The following CHCHD3 variants were observed in gnomAD, a reference collection of about 807,000 sequenced individuals.
The protein encoded by CHCHD3 is MICOS complex subunit MIC19.
In CHCHD3, 20 loss-of-function variants were observed where a neutral mutation model predicts 38.2. The observed-to-expected ratio is 0.52, with a 90% confidence interval of 0.37 to 0.76. The LOEUF is 0.76. Among genes scored for constraint, CHCHD3 ranks in the 30% least tolerant of loss-of-function variants. The pLI, the probability that CHCHD3 is intolerant of heterozygous loss-of-function variation, is 0.00. For missense variants in CHCHD3, 245 were observed against 279.2 expected, an observed-to-expected ratio of 0.88 and a Z score of 0.87; for synonymous variants, 82 against 100.0, an observed-to-expected ratio of 0.82 and a Z score of 1.07.
At chr7:132,945,580 G>A (rs1810878310) in intron 4 of CHCHD3, among the ~76,000 whole-genome samples, 2 of 151,902 alleles carry the variant, frequency 1.3e-5, no homozygotes, top group South Asian at 4.1e-4. Context: ...ACCAAAAGAG[G>A]GGTCTGAAGA....
At chr7:133,043,370 G>A (rs577719794) in intron 2 of CHCHD3, among the ~76,000 whole-genome samples, 37 of 152,086 alleles carry the variant, frequency 2.4e-4, no homozygotes, top group Non-Finnish European at 4.4e-4. Context: ...GACTGGACAC[G>A]GTGGCTCACA....
chr7:132,985,052 C>T (rs1169228503), intron 3 of CHCHD3, among the ~76,000 whole-genome samples: 2 of 98,208 alleles, frequency 2.0e-5, no homozygotes, highest in African/African-American at 3.8e-5. Context: ...CCCGGCCAGC[C>T]GCCCCGTCCG....
At chr7:132,945,814 A>G (rs1562916917) in intron 4 of CHCHD3, among the ~76,000 whole-genome samples, 1 of 151,966 alleles carries the variant, frequency 6.6e-6, no homozygotes, top group Non-Finnish European at 1.5e-5. Flanking sequence ...AAATTTGAAA[A>G]GAAAATGGTA....
chr7:133,010,585 TC>T (rs1162747207), intron 3 of CHCHD3, among the ~76,000 whole-genome samples: 1 of 152,160 alleles, frequency 6.6e-6, no homozygotes, highest in African/African-American at 2.4e-5. Flanking sequence ...TCATAGACTT[TC>T]TTTTATTTTG....
rs181125863 is a variant in CHCHD3, at chr7:132,980,847, C to T, written c.252-5561G>A. On this transcript the variant is annotated intron_variant, in intron 3 of 7. Coordinates refer to ENST00000262570, the MANE Select transcript of CHCHD3 (RefSeq NM_017812.4). ...CTATATTTTAGTCCCAGGGTAAAAA[C>T]TAGCCAGTTTGACTTTACTCTAAAG... Among the ~76,000 whole-genome samples the T allele has an allele frequency of 3.3e-3, 495 of 152,224 alleles. 3 individuals carry two copies. In the South Asian group the frequency reaches 0.038, roughly 12 times the overall value.
chr7:132,953,848 C>G (rs1212960234), intron 4 of CHCHD3, among the ~76,000 whole-genome samples: 2 of 152,136 alleles, frequency 1.3e-5, no homozygotes, highest in African/African-American at 4.8e-5. Context: ...CCTGGAGCAT[C>G]CCAGTTTATG....
chr7:132,869,928 C>G (rs938746380), intron 5 of CHCHD3, among the ~76,000 whole-genome samples: 7 of 151,938 alleles, frequency 4.6e-5, no homozygotes, highest in African/African-American at 1.7e-4. Flanking sequence ...TGAAAGAGTT[C>G]TGAAAAACCT....
chr7:132,971,579 G>C (rs1811613136), intron 4 of CHCHD3, among the ~76,000 whole-genome samples: 1 of 152,192 alleles, frequency 6.6e-6, no homozygotes, highest in Non-Finnish European at 1.5e-5. Context: ...TCACATCTAA[G>C]GAGACAGAAA....
intron 5 of CHCHD3, among the ~76,000 whole-genome samples, chr7:132,848,899 A>G (rs1330243507): frequency 6.6e-6 from 1 of 152,136 alleles, no homozygotes; most frequent in Admixed American, 6.5e-5. Flanking sequence ...TCTTTACTCA[A>G]TGCTCCCAGG....
intron 6 of CHCHD3, among the ~76,000 whole-genome samples, chr7:132,828,221 A>G (rs1291844881): frequency 6.6e-6 from 1 of 152,134 alleles, no homozygotes; most frequent in Non-Finnish European, 1.5e-5. Context: ...GACTTTTGCC[A>G]TTGTATACCC....
chr7:132,835,269 A>T (rs1203873988), intron 6 of CHCHD3, among the ~76,000 whole-genome samples: 1 of 151,958 alleles, frequency 6.6e-6, no homozygotes, highest in Non-Finnish European at 1.5e-5. Flanking sequence ...GGCATGAGCC[A>T]CCTCGCCTGG....
chr7:133,069,123 A>C (rs890956825), intron 2 of CHCHD3, among the ~76,000 whole-genome samples: 2 of 152,114 alleles, frequency 1.3e-5, no homozygotes, highest in Admixed American at 1.3e-4. Context: ...AGCCAAAACA[A>C]GGGTTTCTAA....
intron 2 of CHCHD3, among the ~76,000 whole-genome samples, chr7:133,047,725 A>G (rs142675025): frequency 8.3e-4 from 126 of 152,316 alleles, no homozygotes; most frequent in African/African-American, 3.0e-3. Context: ...GGAGGTAAAA[A>G]GGAAGAAAGG....
chr7:132,809,857 T>C (rs1807023608), intron 6 of CHCHD3, among the ~76,000 whole-genome samples: 1 of 152,224 alleles, frequency 6.6e-6, no homozygotes. Context: ...CAGCGATAAG[T>C]TTCCATAGGA....
chr7:132,922,411 T>C (rs7790787), intron 4 of CHCHD3, among the ~76,000 whole-genome samples: 108,546 of 152,078 alleles, frequency 0.71, 38,888 homozygotes, highest in African/African-American at 0.75. Context: ...TTTCCAAACA[T>C]CAAATAGAAC....
intron 2 of CHCHD3, among the ~76,000 whole-genome samples, chr7:133,056,146 CAA>C (rs796648838): frequency 1.5e-5 from 2 of 137,270 alleles, no homozygotes. Context: ...GACTATGCCT[CAA>C]AAAAAAAAAA....
rs1806278707 is a variant in CHCHD3, at chr7:132,785,052, T to C, written c.*585A>G. On this transcript the variant is annotated 3_prime_UTR_variant, in exon 8 of 8. Transcript: ENST00000262570. The stretch of plus-strand genomic sequence containing the variant: ...TCTCCTTTTTGTCTTCTTGCCTGTA[T>C]AATCACCATAATAAGTTATAATGAA... 1 of 152,762 alleles carries C rather than the reference T, an allele frequency of 6.5e-6. No individual in the cohort carries two copies. Among genetic ancestry groups the C allele is most frequent in the Non-Finnish European group, 1.5e-5 (1 of 68,076 alleles). The allele number at this position is 152,762 out of a possible 1,614,324, so 9.5% of individuals were successfully genotyped here. A position where few individuals can be genotyped will look rare whatever the true frequency, so the allele number is the denominator to read the frequency against.
At chr7:132,946,158 C>T (rs1810894095) in intron 4 of CHCHD3, among the ~76,000 whole-genome samples, 1 of 148,130 alleles carries the variant, frequency 6.8e-6, no homozygotes, top group African/African-American at 2.5e-5. Flanking sequence ...TAAAAATTTA[C>T]TTGGCCTTTA....
chr7:132,867,542 T>C (rs1808663840), intron 5 of CHCHD3, among the ~76,000 whole-genome samples: 1 of 152,182 alleles, frequency 6.6e-6, no homozygotes, highest in Admixed American at 6.5e-5. Flanking sequence ...TTTATTTCAG[T>C]TGCTGATTGT....
Sources: gnomAD v4.1 joint callset for allele counts (sites outside exome capture counted in the v4.1 genomes callset) on GRCh38, gnomAD v4.1.1 for gene constraint, MANE v1.5 for transcripts, NCBI Gene and HGNC (gene_info 2026-07-23, HGNC 2026-07-21) for gene names.